Variants in PDLIM5 observed in about 807,000 individuals in gnomAD.
PDLIM5 encodes PDZ and LIM domain 5, also known as PDZ and LIM domain protein 5.
In PDLIM5, 34 loss-of-function variants were observed where a neutral mutation model predicts 64.2. The ratio of observed to expected loss-of-function variants is 0.53; its 90% CI spans 0.40 to 0.71. PDLIM5 has a LOEUF of 0.71. Among genes scored for constraint, PDLIM5 ranks in the 30% least tolerant of loss-of-function variants. The probability of loss-of-function intolerance (pLI) is 0.00; values close to 1 mark genes in which losing one functional copy is unlikely to be tolerated. For synonymous variants in PDLIM5, 253 were observed against 269.1 expected (o/e 0.94, Z 0.59); for missense variants, 683 against 733.6 (o/e 0.93, Z 0.80).
rs1725891065 is a variant in PDLIM5 at position 94,481,879 on chromosome 4, G to A, written c.96+26495G>A. ...CCACCTTGGCCTCCGAAAGTGCTTG[G>A]ATTACAGGTGTGAGCCACCGTGGCC... On this transcript the variant is annotated intron_variant, in intron 2 of 12. Coordinates refer to ENST00000317968, the MANE Select transcript of PDLIM5 (RefSeq NM_006457.5). 2.0e-5 allele frequency among the ~76,000 whole-genome samples: 3 copies of A among 152,144 alleles called. 1 individual carries two copies. The South Asian group carries it at 6.2e-4, about 31-fold the overall frequency.
chr4:94,615,057 C>T (rs947665899), intron 7 of PDLIM5, among the ~76,000 whole-genome samples: 3 of 152,166 alleles, frequency 2.0e-5, no homozygotes, highest in Non-Finnish European at 4.4e-5. Flanking sequence ...ATACTCTCTG[C>T]TGGGCACTGT....
At chr4:94,546,368 C>T (rs905979679) in intron 3 of PDLIM5, among the ~76,000 whole-genome samples, 4 of 152,014 alleles carry the variant, frequency 2.6e-5, no homozygotes, top group Non-Finnish European at 4.4e-5. Flanking sequence ...CTCTTCCAAG[C>T]GGAATAGTTG....
At chr4:94,617,885 T>C (rs1738912841) in intron 7 of PDLIM5, 119 bp from the exon 8 acceptor site, 1 of 523,216 alleles carries the variant, frequency 1.9e-6, no homozygotes, top group Non-Finnish European at 3.2e-6. Context: ...AGATTTTCTT[T>C]TCTAAAGAAT....
chr4:94,587,375 C>A, intron 7 of PDLIM5: 1 of 1,111,964 alleles, frequency 9.0e-7, no homozygotes, highest in South Asian at 3.3e-5. Flanking sequence ...TCTTGGAAAA[C>A]GAATTATTTT....
At chr4:94,646,932 GA>G (rs1381685036) in intron 9 of PDLIM5, among the ~76,000 whole-genome samples, 2 of 152,078 alleles carry the variant, frequency 1.3e-5, no homozygotes, top group Non-Finnish European at 2.9e-5. Flanking sequence ...TAATAGTAAT[GA>G]AAGACTGCTG....
intron 7 of PDLIM5, among the ~76,000 whole-genome samples, chr4:94,615,571 A>G (rs1017682821): frequency 2.0e-5 from 3 of 152,194 alleles, no homozygotes; most frequent in Non-Finnish European, 2.9e-5. Flanking sequence ...TATAGTTTGT[A>G]TAGCATAGTG....
intron 3 of PDLIM5, 35 bp from the exon 4 acceptor site, chr4:94,573,316 A>ATT: frequency 1.0e-5 from 15 of 1,467,430 alleles, no homozygotes; most frequent in Non-Finnish European, 1.3e-5. Context: ...AAAATTCATT[A>ATT]TTTTTTTTTT....
intron 7 of PDLIM5, among the ~76,000 whole-genome samples, chr4:94,612,751 TAGTG>T (rs1433576819): frequency 6.6e-6 from 1 of 151,986 alleles, no homozygotes; most frequent in African/African-American, 2.4e-5. Context: ...CTTGCTAACT[TAGTG>T]AGAGGAGTAC....
chr4:94,482,884 G>A (rs1345488171), intron 2 of PDLIM5, among the ~76,000 whole-genome samples: 1 of 151,824 alleles, frequency 6.6e-6, no homozygotes, highest in Non-Finnish European at 1.5e-5. Context: ...CCAAGACCCT[G>A]TCACTAAAAT....
chr4:94,464,661 A>C (rs1056885959), intron 2 of PDLIM5, among the ~76,000 whole-genome samples: 1 of 152,308 alleles, frequency 6.6e-6, no homozygotes, highest in South Asian at 2.1e-4. Context: ...TACACATATA[A>C]TTTCCATGAT....
intron 9 of PDLIM5, among the ~76,000 whole-genome samples, chr4:94,650,610 A>G (rs914128627): frequency 6.6e-6 from 1 of 152,192 alleles, no homozygotes; most frequent in Non-Finnish European, 1.5e-5. Flanking sequence ...CTACACGTAT[A>G]TGAAAAAGTT....
At position 94,457,524 on chromosome 4, in the gene PDLIM5, T is replaced by A. The variant is rs535419377; in HGVS notation, c.96+2140T>A. On this transcript the variant is annotated intron_variant, in intron 2 of 12. Coordinates refer to ENST00000317968, the MANE Select transcript of PDLIM5 (RefSeq NM_006457.5). ...TATTTTAAATATTCTACTTTAATTA[T>A]CTAAAGAAAGTTATTAGTTTAAATG... 2.6e-5 allele frequency among the ~76,000 whole-genome samples: 4 copies of A among 152,340 alleles called. No homozygotes were observed. The South Asian group carries it at 8.3e-4, about 32-fold the overall frequency.
At chr4:94,537,970 A>G (rs951975985) in intron 3 of PDLIM5, among the ~76,000 whole-genome samples, 1 of 152,172 alleles carries the variant, frequency 6.6e-6, no homozygotes, top group Non-Finnish European at 1.5e-5. Flanking sequence ...TTTCGCCATT[A>G]AATTTATTTC....
intron 3 of PDLIM5, among the ~76,000 whole-genome samples, chr4:94,547,694 G>A (rs1314431104): frequency 6.6e-6 from 1 of 152,148 alleles, no homozygotes; most frequent in Non-Finnish European, 1.5e-5. Context: ...ATACTGAACT[G>A]ACTGTAACAA....
chr4:94,504,119 G>A (rs550346084), intron 2 of PDLIM5, among the ~76,000 whole-genome samples: 1 of 152,100 alleles, frequency 6.6e-6, no homozygotes, highest in East Asian at 1.9e-4. Flanking sequence ...ATTTTCTTTT[G>A]AAATTAAGTT....
chr4:94,535,757 G>C (rs1658907868), intron 3 of PDLIM5, among the ~76,000 whole-genome samples: 1 of 151,774 alleles, frequency 6.6e-6, no homozygotes, highest in South Asian at 2.1e-4. Context: ...TGGATAGCTG[G>C]GGATAGAAAG....
At chr4:94,611,362 A>T (rs1738352619) in intron 7 of PDLIM5, among the ~76,000 whole-genome samples, 1 of 152,238 alleles carries the variant, frequency 6.6e-6, no homozygotes, top group Non-Finnish European at 1.5e-5. Flanking sequence ...ATGCTAATGC[A>T]CAAGCACAGT....
intron 7 of PDLIM5, among the ~76,000 whole-genome samples, chr4:94,613,670 T>G (rs955085114): frequency 6.6e-6 from 1 of 152,174 alleles, no homozygotes; most frequent in Admixed American, 6.5e-5. Context: ...TAACCATATT[T>G]TAATATCAGT....
chr4:94,515,852 G>A (rs1402331026), intron 2 of PDLIM5, among the ~76,000 whole-genome samples: 1 of 152,192 alleles, frequency 6.6e-6, no homozygotes, highest in African/African-American at 2.4e-5. Context: ...TTCCAGAGTA[G>A]GCTATATAGA....
Sources: gnomAD v4.1 joint callset for allele counts (sites outside exome capture counted in the v4.1 genomes callset) on GRCh38, gnomAD v4.1.1 for gene constraint, MANE v1.5 for transcripts, NCBI Gene and HGNC (gene_info 2026-07-23, HGNC 2026-07-21) for gene names.